Variants in PCDHGB3 observed in about 807,000 individuals in gnomAD.
The protein encoded by PCDHGB3 is protocadherin gamma-B3.
In PCDHGB3, 40 loss-of-function variants were observed where a neutral mutation model predicts 59.2. That is an observed-to-expected ratio of 0.68 (90% confidence interval 0.52 to 0.88). The LOEUF is 0.88. Among genes scored for constraint, PCDHGB3 ranks in the 40% least tolerant of loss-of-function variants. The pLI, the probability that PCDHGB3 is intolerant of heterozygous loss-of-function variation, is 0.00. For synonymous variants in PCDHGB3, 581 were observed against 503.6 expected, an observed-to-expected ratio of 1.15 and a Z score of -2.06; for missense variants, 1,309 against 1,187.9, an observed-to-expected ratio of 1.10 and a Z score of -1.50.
chr5:141,400,387 C>T, intron 1 of PCDHGB3: 2 of 1,614,068 alleles, frequency 1.2e-6, no homozygotes, highest in Non-Finnish European at 1.7e-6. Context: ...ATGTGTTGCA[C>T]ATACAGGAAA....
At chr5:141,387,676 G>A (rs1218377613) in intron 1 of PCDHGB3, 7 of 732,116 alleles carry the variant, frequency 9.6e-6, no homozygotes, top group Non-Finnish European at 1.5e-5. Flanking sequence ...AGATCTCCTC[G>A]CGCAGCCGCA....
rs1236961370 is a variant in PCDHGB3, at chr5:141,512,621, C to T, written c.*1448C>T. 1 of 152,964 alleles carries T rather than the reference C, an allele frequency of 6.5e-6. No homozygotes were observed. The highest frequency in any genetic ancestry group is 1.5e-5 in the Non-Finnish European group (1 of 68,612). 9.5% of individuals were successfully genotyped at this position (152,964 alleles called of 1,614,324 possible). A position where few individuals can be genotyped will look rare whatever the true frequency, so the allele number is the denominator to read the frequency against. Reference sequence around the variant, plus strand: ...CCATCCAGCGGGGCTGCCAGAGAACCCCAGACCTGCCCTTACAGTAGTGTA... The same window carrying T: ...CCATCCAGCGGGGCTGCCAGAGAACTCCAGACCTGCCCTTACAGTAGTGTA... On this transcript the variant is annotated 3_prime_UTR_variant, in exon 4 of 4. Coordinates refer to ENST00000576222, the MANE Select transcript of PCDHGB3 (RefSeq NM_018924.5).
At position 141,491,502 on chromosome 5, in the gene PCDHGB3, C is replaced by G. The variant is rs751961360; in HGVS notation, c.2416-3305C>G. 1.4e-5 allele frequency: 23 copies of G among 1,614,080 alleles called. No homozygotes were observed. Among genetic ancestry groups the G allele is most frequent in the Non-Finnish European group, 1.8e-5 (21 of 1,180,006 alleles). ...GCCCCAACCTGCAGGTGAGCTCGGA[C>G]GGCACGCTCAAGTACATGGAGGTGA... On this transcript the variant is annotated intron_variant, in intron 1 of 3. Coordinates refer to ENST00000576222, the MANE Select transcript of PCDHGB3 (RefSeq NM_018924.5). This position sits in a 1 kb window ranked among gnomAD's most constrained non-coding sequence, Gnocchi z 6.9.
intron 1 of PCDHGB3, chr5:141,393,987 T>C (rs1361027983): frequency 1.2e-6 from 2 of 1,613,490 alleles, no homozygotes; most frequent in Admixed American, 3.3e-5. Flanking sequence ...TAATTTACCT[T>C]TTAAATTAGA....
At chr5:141,398,534 A>T in intron 1 of PCDHGB3, 1 of 1,613,768 alleles carries the variant, frequency 6.2e-7, no homozygotes, top group South Asian at 1.1e-5. Flanking sequence ...TTCACGCAAA[A>T]TTCCTTTGAG....
chr5:141,420,080 C>G, intron 1 of PCDHGB3: 2 of 1,614,010 alleles, frequency 1.2e-6, no homozygotes, highest in African/African-American at 1.3e-5. Flanking sequence ...TGTGGGTCCC[C>G]CCAACTACAG....
At chr5:141,389,528 G>T (rs200792478) in intron 1 of PCDHGB3, 2 of 1,613,210 alleles carry the variant, frequency 1.2e-6, no homozygotes, top group Non-Finnish European at 1.7e-6. Flanking sequence ...GCCTGCGCGT[G>T]TTAGTGGACG....
At chr5:141,400,431 A>T (rs542969819) in intron 1 of PCDHGB3, 1 of 1,614,034 alleles carries the variant, frequency 6.2e-7, no homozygotes. Context: ...GTAGTGAGCA[A>T]TTGAGTTCAG....
chr5:141,507,901 G>T (rs1332204823), intron 3 of PCDHGB3, among the ~76,000 whole-genome samples: 1 of 152,216 alleles, frequency 6.6e-6, no homozygotes, highest in Non-Finnish European at 1.5e-5. Flanking sequence ...CTGAAGTCCA[G>T]CCCAGCCAGG....
chr5:141,402,892 A>G, intron 1 of PCDHGB3: 10 of 1,498,814 alleles, frequency 6.7e-6, no homozygotes, highest in Non-Finnish European at 8.9e-6. Flanking sequence ...GGTGGAAGAA[A>G]GAACCTGATG....
intron 1 of PCDHGB3, chr5:141,419,373 TGTCC>T (rs761256298): frequency 6.2e-7 from 1 of 1,613,754 alleles, no homozygotes; most frequent in South Asian, 1.1e-5. Context: ...TCGTCCTACG[TGTCC>T]GTGAGCGCGC....
intron 1 of PCDHGB3, among the ~76,000 whole-genome samples, chr5:141,460,110 A>G (rs966038979): frequency 2.0e-5 from 3 of 151,894 alleles, no homozygotes; most frequent in African/African-American, 7.2e-5. Context: ...ATTATATATG[A>G]TTTTTATATA....
intron 1 of PCDHGB3, among the ~76,000 whole-genome samples, chr5:141,450,123 T>G (rs565568384): frequency 2.4e-4 from 36 of 150,874 alleles, no homozygotes; most frequent in Non-Finnish European, 4.7e-4. Context: ...TCTCCTGCCT[T>G]AGCCTCCTGA....
At chr5:141,495,164 C>T (rs1326419591) in intron 2 of PCDHGB3, among the ~76,000 whole-genome samples, 4 of 152,198 alleles carry the variant, frequency 2.6e-5, no homozygotes, top group Admixed American at 1.3e-4. Context: ...AAGCTGGTCT[C>T]TGGGTGAAAG....
chr5:141,383,727 A>G, intron 1 of PCDHGB3: 1 of 1,614,016 alleles, frequency 6.2e-7, no homozygotes, highest in South Asian at 1.1e-5. Flanking sequence ...TCAATGGGGA[A>G]GTGACATATT....
In PCDHGB3 at chr5:141,485,990, C is replaced by T. The variant is rs1285988124; in HGVS notation, c.2416-8817C>T. 2.5e-6 allele frequency: 4 copies of T among 1,614,168 alleles called. No homozygotes were observed. The stretch of plus-strand genomic sequence containing the variant: ...CAATGCCTCAGACCCGGACCTGGGT[C>T]CCAGTGGTAACGTCACCTTTTATTT... On this transcript the variant is annotated intron_variant, in intron 1 of 3. Coordinates refer to ENST00000576222, the MANE Select transcript of PCDHGB3 (RefSeq NM_018924.5). This position sits in a 1 kb window ranked among gnomAD's most constrained non-coding sequence, Gnocchi z 5.7.
At chr5:141,400,514 A>T in intron 1 of PCDHGB3, 1 of 1,613,950 alleles carries the variant, frequency 6.2e-7, no homozygotes, top group South Asian at 1.1e-5. Context: ...TCGACTTCCC[A>T]TCCTGAGTTG....
intron 1 of PCDHGB3, among the ~76,000 whole-genome samples, chr5:141,435,783 G>A (rs1273339025): frequency 6.6e-6 from 1 of 152,124 alleles, no homozygotes; most frequent in Non-Finnish European, 1.5e-5. Context: ...TAAAGGTGCA[G>A]GGAAACATAA....
intron 1 of PCDHGB3, among the ~76,000 whole-genome samples, chr5:141,455,322 G>A (rs376682363): frequency 1.3e-5 from 2 of 152,134 alleles, no homozygotes; most frequent in East Asian, 3.9e-4. Context: ...TTTTGTGTGT[G>A]TGTTTGTGGT....
Sources: gnomAD v4.1 joint callset for allele counts (sites outside exome capture counted in the v4.1 genomes callset) on GRCh38, gnomAD v4.1.1 for gene constraint, Gnocchi (gnomAD v3.1) non-coding constraint, MANE v1.5 for transcripts, NCBI Gene and HGNC (gene_info 2026-07-23, HGNC 2026-07-21) for gene names.